CDH9: variants seen among roughly 807,000 people sequenced by gnomAD.
CDH9 encodes the protein cadherin 9, also known as cadherin-9.
A neutral mutation model predicts 70.9 loss-of-function variants in CDH9; 28 were observed. The observed-to-expected ratio is 0.40, with a 90% CI of 0.29 to 0.54. The LOEUF (loss-of-function observed/expected upper bound fraction) is 0.54. Among genes scored for constraint, CDH9 ranks in the 20% least tolerant of loss-of-function variants. The pLI is 0.59. For synonymous variants in CDH9, 409 were observed against 343.1 expected (o/e 1.19, Z -2.12); for missense variants, 874 against 984.4 (o/e 0.89, Z 1.50).
At chr5:26,973,053 G>A (rs572679045) in intron 2 of CDH9, among the ~76,000 whole-genome samples, 60 of 151,936 alleles carry the variant, frequency 3.9e-4, no homozygotes, top group Non-Finnish European at 7.5e-4. Context: ...TAGTAGAGAT[G>A]GGGTTTCACC....
At chr5:27,019,675 C>T (rs1272089394) in intron 1 of CDH9, among the ~76,000 whole-genome samples, 2 of 151,658 alleles carry the variant, frequency 1.3e-5, no homozygotes, top group African/African-American at 4.8e-5. Flanking sequence ...TATTCAGCTC[C>T]CATTTAGCTG....
chr5:26,938,206 C>T (rs900790262), intron 2 of CDH9, among the ~76,000 whole-genome samples: 3 of 149,916 alleles, frequency 2.0e-5, no homozygotes, highest in African/African-American at 7.3e-5. Flanking sequence ...AAAAAAAAAT[C>T]AATGTAAAAA....
chr5:26,964,121 G>A (rs140847612), intron 2 of CDH9, among the ~76,000 whole-genome samples: 1 of 103,302 alleles, frequency 9.7e-6, no homozygotes, highest in Non-Finnish European at 2.3e-5. Context: ...ATACTTTATT[G>A]TTTTGTTCAA....
At chr5:27,010,454 C>T (rs1460706683) in intron 1 of CDH9, among the ~76,000 whole-genome samples, 2 of 152,066 alleles carry the variant, frequency 1.3e-5, no homozygotes, top group Admixed American at 1.3e-4. Context: ...GCCTCATCTC[C>T]ATTACTTTAC....
At chr5:26,894,173 A>G (rs1740707843) in intron 7 of CDH9, among the ~76,000 whole-genome samples, 1 of 152,126 alleles carries the variant, frequency 6.6e-6, no homozygotes, top group Non-Finnish European at 1.5e-5. Flanking sequence ...GGAAAGGTCA[A>G]TAGTTAACCA....
intron 1 of CDH9, among the ~76,000 whole-genome samples, chr5:27,011,909 A>G (rs1003401486): frequency 3.3e-5 from 5 of 151,932 alleles, no homozygotes; most frequent in Admixed American, 6.6e-5. Flanking sequence ...AAGATTTGTT[A>G]TAATAATAAT....
At chr5:27,019,427 A>G (rs1385473053) in intron 1 of CDH9, among the ~76,000 whole-genome samples, 1 of 152,012 alleles carries the variant, frequency 6.6e-6, no homozygotes, top group Non-Finnish European at 1.5e-5. Flanking sequence ...ATTATTTAAC[A>G]CATTTTATAA....
At position 26,893,956 on chromosome 5, in the gene CDH9, A is replaced by G. The variant is rs952751546; in HGVS notation, c.1254-3392T>C. ...TTATTGATGTTGGGACCAAATCACT[A>G]TTATAAGGTTTTTGAGAGAAAAGCA... On this transcript the variant is annotated intron_variant, in intron 7 of 11. Coordinates refer to ENST00000231021, the MANE Select transcript of CDH9 (RefSeq NM_016279.4). 2.0e-5 allele frequency among the ~76,000 whole-genome samples: 3 copies of G among 152,272 alleles called. 1 individual carries two copies. The South Asian group carries it at 6.2e-4, about 32-fold the overall frequency.
chr5:27,021,061 TAG>T (rs1348745963), intron 1 of CDH9, among the ~76,000 whole-genome samples: 2 of 151,828 alleles, frequency 1.3e-5, no homozygotes, highest in Non-Finnish European at 2.9e-5. Flanking sequence ...GATTATTTTA[TAG>T]AGTTTAATCA....
chr5:26,955,989 T>G (rs1315996129), intron 2 of CDH9, among the ~76,000 whole-genome samples: 2 of 152,198 alleles, frequency 1.3e-5, no homozygotes, highest in African/African-American at 4.8e-5. Context: ...ACACTAAAAT[T>G]TAATTGCCAT....
chr5:26,927,977 T>C (rs1741374620), intron 2 of CDH9, among the ~76,000 whole-genome samples: 1 of 152,070 alleles, frequency 6.6e-6, no homozygotes, highest in African/African-American at 2.4e-5. Flanking sequence ...GAGAAAACAG[T>C]TGACTCTGTC....
chr5:26,917,373 T>C (rs1741167647), intron 2 of CDH9, among the ~76,000 whole-genome samples: 1 of 152,008 alleles, frequency 6.6e-6, no homozygotes, highest in South Asian at 2.1e-4. Flanking sequence ...GCATGGTGAC[T>C]ATAATAAATA....
At chr5:27,014,210 C>T (rs947769640) in intron 1 of CDH9, among the ~76,000 whole-genome samples, 1 of 151,940 alleles carries the variant, frequency 6.6e-6, no homozygotes, top group Non-Finnish European at 1.5e-5. Flanking sequence ...ACAGAATTAC[C>T]CCCACTTCCT....
At chr5:27,010,705 C>T (rs558287867) in intron 1 of CDH9, among the ~76,000 whole-genome samples, 38 of 152,234 alleles carry the variant, frequency 2.5e-4, no homozygotes, top group Non-Finnish European at 3.7e-4. Flanking sequence ...AGGCTTTCTT[C>T]ACTGCTGGAT....
intron 2 of CDH9, among the ~76,000 whole-genome samples, chr5:26,948,389 C>T (rs1904464): frequency 0.13 from 19,070 of 152,228 alleles, 3,997 homozygotes; most frequent in African/African-American, 0.44. Flanking sequence ...CCCAGAAACT[C>T]ACCCAATATC....
In CDH9 at chr5:26,881,451, G is replaced by A. The variant is rs2111961437; in HGVS notation, c.2055C>T (p.Asp685=). Reference sequence around the variant, plus strand: ...GCATTACATCCCGTCTAAGTTTACTGTCTTCTCTTGCCTCTGGATTCCTTA... The same window carrying A: ...GCATTACATCCCGTCTAAGTTTACTATCTTCTCTTGCCTCTGGATTCCTTA... ...GTLRNPEARE[D]SKLRRDVMPE... The change falls in exon 12 of 12, where the codon GAC becomes GAT. Residue 685 remains aspartate (D), a synonymous_variant. Transcript: ENST00000231021. 8 of 1,613,616 alleles carry A rather than the reference G, an allele frequency of 5.0e-6. No homozygotes were observed. In the East Asian group the frequency reaches 1.8e-4, roughly 36 times the overall value.
chr5:26,916,888 C>T (rs558075748), intron 2 of CDH9, among the ~76,000 whole-genome samples: 2 of 152,002 alleles, frequency 1.3e-5, no homozygotes, highest in South Asian at 2.1e-4. Flanking sequence ...TAATATAAAA[C>T]TCACAGCCTG....
intron 2 of CDH9, among the ~76,000 whole-genome samples, chr5:26,926,998 A>G (rs1741354393): frequency 6.6e-6 from 1 of 151,358 alleles, no homozygotes; most frequent in Non-Finnish European, 1.5e-5. Context: ...TGACACAAAA[A>G]TCCTCAACAA....
chr5:27,016,481 C>CTA (rs1420772105), intron 1 of CDH9, among the ~76,000 whole-genome samples: 2 of 151,786 alleles, frequency 1.3e-5, no homozygotes, highest in African/African-American at 4.8e-5. Context: ...AATGCATGTG[C>CTA]TATACATTTC....
Sources: allele counts gnomAD v4.1 joint callset (sites outside exome capture counted in the v4.1 genomes callset), GRCh38; gene constraint gnomAD v4.1.1; transcripts MANE v1.5; gene names NCBI Gene and HGNC (gene_info 2026-07-23, HGNC 2026-07-21).